WDR36: variants seen among roughly 807,000 people sequenced by gnomAD.
WDR36 encodes WD repeat-containing protein 36.
In WDR36, 63 loss-of-function variants were observed where a neutral mutation model predicts 112.7. That is an observed-to-expected ratio of 0.56 (90% CI 0.46 to 0.69). The LOEUF is 0.69. Ranked by LOEUF, WDR36 falls within the 30% of genes least tolerant of loss-of-function variation. The pLI is 0.00. For missense variants in WDR36, 1,226 were observed against 1,070.3 expected (o/e 1.15, Z -2.03); for synonymous variants, 410 against 362.2 (o/e 1.13, Z -1.50).
intron 5 of WDR36, among the ~76,000 whole-genome samples, chr5:111,101,933 A>T (rs535719097): frequency 1.3e-5 from 2 of 151,910 alleles, no homozygotes; most frequent in South Asian, 4.1e-4. Context: ...TGCTTCTGAA[A>T]TTGAGAGCAG....
At chr5:111,113,715 G>A (rs1268830363) in intron 16 of WDR36, among the ~76,000 whole-genome samples, 8 of 152,074 alleles carry the variant, frequency 5.3e-5, no homozygotes, top group Admixed American at 5.2e-4. Context: ...AGGTCAAAGG[G>A]CCATATCTGG....
chr5:111,117,648 A>G (rs1753480915), intron 16 of WDR36, among the ~76,000 whole-genome samples: 1 of 152,178 alleles, frequency 6.6e-6, no homozygotes, highest in Non-Finnish European at 1.5e-5. Flanking sequence ...ATCCGCCTTA[A>G]TAGGGTTTGT....
intron 4 of WDR36, among the ~76,000 whole-genome samples, chr5:111,100,159 G>T (rs769674792): frequency 5.9e-5 from 9 of 151,490 alleles, no homozygotes; most frequent in Non-Finnish European, 8.8e-5. Flanking sequence ...TTTTTTGAGT[G>T]GCCCATCAAA....
chr5:111,101,884 CTGTT>C (rs1241704603), intron 5 of WDR36, among the ~76,000 whole-genome samples: 2 of 151,736 alleles, frequency 1.3e-5, no homozygotes, highest in Non-Finnish European at 3.0e-5. Flanking sequence ...TCAGATACCT[CTGTT>C]TGCTCCATGG....
chr5:111,127,004 T>G lies in WDR36; in HGVS notation c.*121T>G. ...TGCTAGCACTACTGACTAGTCAGTA[T>G]ATCTCCACTTTAAATGCTAAATACT... On this transcript the variant is annotated 3_prime_UTR_variant, in exon 23 of 23. Coordinates refer to ENST00000513710, the MANE Select transcript of WDR36 (RefSeq NM_139281.3). 8.8e-6 allele frequency: 8 copies of G among 906,988 alleles called. No individual in the cohort carries two copies. Among genetic ancestry groups the G allele is most frequent in the Non-Finnish European group, 1.3e-5 (8 of 614,098 alleles). 56.2% of individuals were successfully genotyped at this position (906,988 alleles called of 1,614,324 possible).
At chr5:111,092,691 C>T (rs1752892047) in intron 1 of WDR36, 73 bp downstream of exon 1, 2 of 1,495,688 alleles carry the variant, frequency 1.3e-6, no homozygotes, top group Admixed American at 1.9e-5. Flanking sequence ...TGGAGCAGTC[C>T]GGTTCTCCCT....
At chr5:111,108,250 T>C (rs1278919423) in intron 12 of WDR36, among the ~76,000 whole-genome samples, 1 of 150,790 alleles carries the variant, frequency 6.6e-6, no homozygotes, top group East Asian at 1.9e-4. Context: ...TTGTTTTGTT[T>C]TTGTTTTGTT....
At chr5:111,123,553 T>C (rs1345969045) in intron 19 of WDR36, among the ~76,000 whole-genome samples, 2 of 152,232 alleles carry the variant, frequency 1.3e-5, no homozygotes, top group South Asian at 2.1e-4. Context: ...GTGTTTGTCT[T>C]AGAACTTCCC....
intron 1 of WDR36, 117 bp downstream of exon 1, chr5:111,092,735 C>A: frequency 1.7e-6 from 2 of 1,210,586 alleles, no homozygotes; most frequent in East Asian, 2.5e-5. Context: ...TCTTTAACCC[C>A]TCCCTGTCCT....
chr5:111,102,451 T>G lies in WDR36; in HGVS notation c.597+52T>G, dbSNP rs768032678. 9 of 1,527,526 alleles carry G rather than the reference T, an allele frequency of 5.9e-6. No homozygotes were observed. The Admixed American group carries it at 1.5e-4, about 26-fold the overall frequency. The allele number at this position is 1,527,526 out of a possible 1,614,324, so 94.6% of individuals were successfully genotyped here. A position where few individuals can be genotyped will look rare whatever the true frequency, so the allele number is the denominator to read the frequency against. ...AGGAACAAAGTTAATAGGAAAATCC[T>G]TCAGTTTCAGGAATCAATCATAATT... is the stretch of plus-strand genomic sequence containing the variant. On this transcript the variant is annotated intron_variant, in intron 6 of 22. Transcript: ENST00000513710.
At position 111,128,648 on chromosome 5, in the gene WDR36, G is replaced by A. The variant is rs571619514; in HGVS notation, c.*1765G>A. 1 of 181,898 alleles carries A rather than the reference G, an allele frequency of 5.5e-6. No homozygotes were observed. The highest frequency in any genetic ancestry group is 2.4e-5 in the African/African-American group (1 of 42,504). The allele number at this position is 181,898 out of a possible 1,614,324, so 11.3% of individuals were successfully genotyped here. On this transcript the variant is annotated 3_prime_UTR_variant, in exon 23 of 23. Transcript: ENST00000513710. ...CCGAATTTTCTTCTCTTTTTAAAGTGAGCATAAAGACTTAAGTGTATTGTT... is the reference window on the plus strand; with the variant it reads ...CCGAATTTTCTTCTCTTTTTAAAGTAAGCATAAAGACTTAAGTGTATTGTT...
At chr5:111,100,107 A>T (rs939509428) in intron 4 of WDR36, among the ~76,000 whole-genome samples, 3 of 151,552 alleles carry the variant, frequency 2.0e-5, no homozygotes, top group Non-Finnish European at 2.9e-5. Context: ...AATGTGTGAG[A>T]AGTACTCTTA....
At chr5:111,094,446 A>C (rs1253546019) in intron 1 of WDR36, among the ~76,000 whole-genome samples, 2 of 152,158 alleles carry the variant, frequency 1.3e-5, no homozygotes, top group Non-Finnish European at 2.9e-5. Flanking sequence ...TGTATGACCC[A>C]GGAGTTACGA....
rs1359443385 is a variant in WDR36 at position 111,100,630 on chromosome 5, A to G, written c.451A>G (p.Ile151Val). Reference protein sequence around the residue: ...QLTFDKSVFKISAILHPSTYL... With the variant: ...QLTFDKSVFKVSAILHPSTYL... The stretch of plus-strand genomic sequence containing the variant: ...GACTTTTGATAAATCAGTATTTAAA[A>G]TTTCTGCAATTTTGCATCCAAGTAC... The change falls in exon 5 of 23, where the codon ATT becomes GTT. Residue 151 changes from isoleucine (I) to valine (V), a missense_variant. Transcript: ENST00000513710. 1 of 1,601,692 alleles carries G rather than the reference A, an allele frequency of 6.2e-7. No individual in the cohort carries two copies.
In WDR36 at chr5:111,127,280, G is replaced by C. The variant is rs569458537; in HGVS notation, c.*397G>C. The C allele has an allele frequency of 4.7e-6, 1 of 212,794 alleles. No individual in the cohort carries two copies. The highest frequency in any genetic ancestry group is 9.5e-6 in the Non-Finnish European group (1 of 105,478). 13.2% of individuals were successfully genotyped at this position (212,794 alleles called of 1,614,324 possible). A position where few individuals can be genotyped will look rare whatever the true frequency, so the allele number is the denominator to read the frequency against. On this transcript the variant is annotated 3_prime_UTR_variant, in exon 23 of 23. Transcript: ENST00000513710. ...AGTCTCTTCACATTAACTTTTATATGATTTTTAAAAAATTATTACCTGCTT... is the reference window on the plus strand; with the variant it reads ...AGTCTCTTCACATTAACTTTTATATCATTTTTAAAAAATTATTACCTGCTT...
chr5:111,104,738 G>C lies in WDR36; in HGVS notation c.948G>C (p.Leu316Phe). 4 of 1,611,378 alleles carry C rather than the reference G, an allele frequency of 2.5e-6. No homozygotes were observed. The South Asian group carries it at 3.3e-5, about 13-fold the overall frequency. Residue 316 changes from leucine (L) to phenylalanine (F), a missense_variant, in exon 9 of 23, where the codon TTG (leucine) becomes TTC (phenylalanine). By Grantham distance (22) the Leu-to-Phe change is conservative. Coordinates refer to ENST00000513710, the MANE Select transcript of WDR36 (RefSeq NM_139281.3). ...GTCCTACAGGTGAAGGCCGACTTTT[G>C]AGATTCAGAATGGGTCATAGTGCTC... ...FDGPTGEGRLLRFRMGHSAPL... is the reference protein window; with the variant it reads ...FDGPTGEGRLFRFRMGHSAPL...
chr5:111,110,266 G>A lies in WDR36; in HGVS notation c.1404G>A (p.Gln468=), dbSNP rs746917572. 2 of 1,610,998 alleles carry A rather than the reference G, an allele frequency of 1.2e-6. No individual in the cohort carries two copies. Among genetic ancestry groups the A allele is most frequent in the Non-Finnish European group, 1.7e-6 (2 of 1,177,700 alleles). Residue 468 remains glutamine, a synonymous_variant, in exon 13 of 23, where the codon CAG becomes CAA. Transcript: ENST00000513710. ...GAACTGTAGATGTATATAACATGCA[G>A]TCTGGCATACATCGAGGAAGTTTTG... ...SSGTVDVYNM[Q]SGIHRGSFGK...
In WDR36 at chr5:111,111,081, G is replaced by A; in HGVS notation, c.1608-89G>A. 1.9e-6 allele frequency: 3 copies of A among 1,552,610 alleles called. No individual in the cohort carries two copies. In the East Asian group the frequency reaches 6.7e-5, roughly 35 times the overall value. ...AACATTTGGCTTAATTTCCCCCAAAGTGTACTTGATTTAACAAAATTCAAG... is the reference window on the plus strand; with the variant it reads ...AACATTTGGCTTAATTTCCCCCAAAATGTACTTGATTTAACAAAATTCAAG... On this transcript the variant is annotated intron_variant, in intron 14 of 22. Coordinates refer to ENST00000513710, the MANE Select transcript of WDR36 (RefSeq NM_139281.3).
At chr5:111,115,024 T>C (rs1753427680) in intron 16 of WDR36, among the ~76,000 whole-genome samples, 2 of 142,996 alleles carry the variant, frequency 1.4e-5, no homozygotes, top group Non-Finnish European at 2.9e-5. Context: ...GAATTTCTTA[T>C]ATCAGTAAGA....
Sources: allele counts gnomAD v4.1 joint callset (sites outside exome capture counted in the v4.1 genomes callset), GRCh38; gene constraint gnomAD v4.1.1; transcripts MANE v1.5; gene names NCBI Gene and HGNC (gene_info 2026-07-23, HGNC 2026-07-21).